The following HIVEP1 variants were observed in gnomAD, a reference collection of about 807,000 sequenced individuals.
HIVEP1 encodes HIVEP zinc finger 1.
A neutral mutation model predicts 180.0 loss-of-function variants in HIVEP1; 36 were observed. The ratio of observed to expected loss-of-function variants is 0.20; its 90% confidence interval spans 0.15 to 0.26. The LOEUF is 0.26. Among genes scored for constraint, HIVEP1 ranks in the 10% least tolerant of loss-of-function variants. The pLI is 1.00. For synonymous variants in HIVEP1, 1,239 were observed against 1,239.0 expected (o/e 1.00, Z 0.00); for missense variants, 3,143 against 3,268.7 (o/e 0.96, Z 0.94).
chr6:12,069,662 T>G (rs990243285), intron 2 of HIVEP1, among the ~76,000 whole-genome samples: 2 of 151,444 alleles, frequency 1.3e-5, no homozygotes, highest in Non-Finnish European at 2.9e-5. Context: ...GCATGGCAAA[T>G]GTATACATAT....
chr6:12,163,263 T>G lies in HIVEP1; in HGVS notation c.6979-20T>G. 6.4e-7 allele frequency: 1 copy of G among 1,566,012 alleles called. No homozygotes were observed. Among genetic ancestry groups the G allele is most frequent in the Non-Finnish European group, 8.8e-7 (1 of 1,142,040 alleles). On this transcript the variant is annotated intron_variant, in intron 8 of 8. Coordinates refer to ENST00000379388, the MANE Select transcript of HIVEP1 (RefSeq NM_002114.4). ...TACAAAAGACCTGTCATAAAAGGAT[T>G]GCTCTCTCTTGTCATTTAGAGCCCA...
chr6:12,116,944 G>A (rs1775252322), intron 3 of HIVEP1, among the ~76,000 whole-genome samples: 1 of 151,904 alleles, frequency 6.6e-6, no homozygotes, highest in African/African-American at 2.4e-5. Context: ...AGATGAAATG[G>A]GAAATATGGA....
intron 7 of HIVEP1, among the ~76,000 whole-genome samples, chr6:12,161,070 C>T (rs1760366898): frequency 6.6e-6 from 1 of 152,162 alleles, no homozygotes; most frequent in South Asian, 2.1e-4. Context: ...AAAAGAGTTG[C>T]GTTGAACTCT....
At chr6:12,209,427 C>T in the HIVEP1 span, among the ~76,000 whole-genome samples, 3 of 152,086 alleles carry the variant, frequency 2.0e-5, no homozygotes, top group African/African-American at 4.8e-5. Flanking sequence ...AATGAGACTC[C>T]GTCTCAAAAA....
intron 2 of HIVEP1, among the ~76,000 whole-genome samples, chr6:12,058,340 T>TAGACAAAATAG (rs1428523980): frequency 6.6e-5 from 10 of 152,140 alleles, no homozygotes; most frequent in Non-Finnish European, 1.3e-4. Context: ...TTTAGAGAAA[T>TAGACAAAATAG]AGAAATTGTC....
Position 12,123,683 on chromosome 6 carries a change from G to C in HIVEP1, c.3888G>C (p.Ser1296=). ...AGATAGAACATTCCTCAACAGAATC[G>C]AGCTTTGATTCCACTCTCTCCAGGA... is the stretch of plus-strand genomic sequence containing the variant. ...LAEIEHSSTE[S]SFDSTLSRSL... is the part of the protein sequence containing the mutation. The change falls in exon 4 of 9, where the codon TCG becomes TCC. Residue 1296 remains serine, a synonymous_variant. Transcript: ENST00000379388. The C allele has an allele frequency of 1.2e-6, 2 of 1,613,910 alleles. No homozygotes were observed. The highest frequency in any genetic ancestry group is 1.7e-6 in the Non-Finnish European group (2 of 1,179,986).
chr6:12,167,087 G>A (rs944741212), downstream of HIVEP1, among the ~76,000 whole-genome samples: 14 of 152,020 alleles, frequency 9.2e-5, no homozygotes, highest in Non-Finnish European at 8.8e-5. Flanking sequence ...TTAACCGATG[G>A]TATTGAATGT....
chr6:12,070,341 A>G (rs1771886344), intron 2 of HIVEP1, among the ~76,000 whole-genome samples: 1 of 152,216 alleles, frequency 6.6e-6, no homozygotes, highest in Non-Finnish European at 1.5e-5. Flanking sequence ...CACCACAAAT[A>G]CGTGATGACT....
At chr6:12,170,862 GA>G in the HIVEP1 span, among the ~76,000 whole-genome samples, 1 of 152,276 alleles carries the variant, frequency 6.6e-6, no homozygotes, top group East Asian at 1.9e-4. Context: ...CAAAAGTAAG[GA>G]GGAAAGGGAA....
chr6:12,047,838 A>T (rs990749895), intron 2 of HIVEP1, among the ~76,000 whole-genome samples: 4 of 151,990 alleles, frequency 2.6e-5, no homozygotes, highest in African/African-American at 9.7e-5. Context: ...CAGTCATGGA[A>T]CCCTCTTAGT....
rs755401282 is a variant in HIVEP1, at chr6:12,123,976, C to T, written c.4181C>T (p.Thr1394Ile). Residue 1394 changes from threonine (T) to isoleucine (I), a missense_variant, in exon 4 of 9, where the codon ACC (threonine) becomes ATC (isoleucine). Thr to Ile is a moderately conservative substitution (Grantham distance 89). Coordinates refer to ENST00000379388, the MANE Select transcript of HIVEP1 (RefSeq NM_002114.4). ...AAATCATTCGATTGTGGAAGCATCA[C>T]CCCACCCCAGACAACACCACTTACT... ...RSKSFDCGSI[T>I]PPQTTPLTEL... 5.9e-5 allele frequency: 95 copies of T among 1,614,100 alleles called. No homozygotes were observed. The highest frequency in any genetic ancestry group is 5.5e-4 in the South Asian group (50 of 91,062).
intron 2 of HIVEP1, among the ~76,000 whole-genome samples, chr6:12,022,244 C>G (rs1768278492): frequency 6.6e-6 from 1 of 151,884 alleles, no homozygotes; most frequent in South Asian, 2.1e-4. Context: ...GATCTTGGCT[C>G]ACTGCAACCT....
At chr6:12,126,872 T>G (rs1288828154) in intron 4 of HIVEP1, among the ~76,000 whole-genome samples, 2 of 152,182 alleles carry the variant, frequency 1.3e-5, no homozygotes, top group Non-Finnish European at 2.9e-5. Flanking sequence ...GCAGCTTTTT[T>G]TTTCGAGACA....
chr6:12,011,825 G>GCGCCCCT (rs1767337228), upstream of HIVEP1, among the ~76,000 whole-genome samples: 1 of 146,302 alleles, frequency 6.8e-6, no homozygotes, highest in South Asian at 2.1e-4. Context: ...TGGGCGTCCC[G>GCGCCCCT]CGCCCCTCGC....
At chr6:12,194,734 G>A in the HIVEP1 span, among the ~76,000 whole-genome samples, 1 of 152,158 alleles carries the variant, frequency 6.6e-6, no homozygotes, top group Admixed American at 6.5e-5. Context: ...CCTGGGAGGT[G>A]GAGGTTGCAG....
At chr6:12,025,589 C>T (rs9369032) in intron 2 of HIVEP1, among the ~76,000 whole-genome samples, 24,433 of 152,152 alleles carry the variant, frequency 0.16, 2,216 homozygotes, top group Non-Finnish European at 0.2. Context: ...GAAAATATTT[C>T]TGGGGAAACT....
chr6:12,078,943 C>T (rs1230540054), intron 2 of HIVEP1, among the ~76,000 whole-genome samples: 3 of 151,874 alleles, frequency 2.0e-5, no homozygotes, highest in African/African-American at 4.8e-5. Context: ...TGTGTGCGTG[C>T]GTGTATGCGT....
At chr6:12,095,605 T>C (rs1378847932) in intron 3 of HIVEP1, among the ~76,000 whole-genome samples, 4 of 151,932 alleles carry the variant, frequency 2.6e-5, no homozygotes, top group Admixed American at 2.6e-4. Flanking sequence ...TCCAAAATTA[T>C]TTCTTCTCTG....
intron 2 of HIVEP1, among the ~76,000 whole-genome samples, chr6:12,043,820 A>G (rs1561882522): frequency 6.6e-6 from 1 of 152,132 alleles, no homozygotes; most frequent in African/African-American, 2.4e-5. Context: ...TCTGTAATTT[A>G]TGTCTAGAGA....
Sources: gnomAD v4.1 joint callset for allele counts (sites outside exome capture counted in the v4.1 genomes callset) on GRCh38, gnomAD v4.1.1 for gene constraint, MANE v1.5 for transcripts, NCBI Gene and HGNC (gene_info 2026-07-23, HGNC 2026-07-21) for gene names.